UTP20: variants seen among roughly 807,000 people sequenced by gnomAD.
UTP20 encodes small subunit processome component 20 homolog.
A neutral mutation model predicts 329.5 loss-of-function variants in UTP20; 164 were observed. That is an observed-to-expected ratio of 0.50 (90% CI 0.44 to 0.57). The LOEUF (loss-of-function observed/expected upper bound fraction) is 0.57. UTP20 is among the 20% of genes least tolerant of loss of function. The pLI, the probability that UTP20 is intolerant of heterozygous loss-of-function variation, is 0.00. For missense variants in UTP20, 3,055 were observed against 3,284.2 expected (o/e 0.93, Z 1.71); for synonymous variants, 1,151 against 1,159.3 (o/e 0.99, Z 0.14).
chr12:101,374,132 G>A (rs1331453047), intron 54 of UTP20, among the ~76,000 whole-genome samples: 2 of 150,598 alleles, frequency 1.3e-5, no homozygotes, highest in Non-Finnish European at 3.0e-5. Flanking sequence ...CTACTTGGGA[G>A]GCTGAGGCAG....
chr12:101,383,569 C>T lies in UTP20; in HGVS notation c.7956C>T (p.Gly2652=), dbSNP rs1380361563. The change falls in exon 60 of 62, where the codon GGC becomes GGT. Residue 2652 remains glycine, a synonymous_variant. Coordinates refer to ENST00000261637, the MANE Select transcript of UTP20 (RefSeq NM_014503.3). ...GAACATGCATCTTTAAGTTCCTCGG[C>T]GCCGTAGCAATGGATCTTGGGATAG... is the stretch of plus-strand genomic sequence containing the variant. ...LKRTCIFKFL[G]AVAMDLGIDK... is the part of the protein sequence containing the mutation. 8 of 1,613,208 alleles carry T rather than the reference C, an allele frequency of 5.0e-6. No homozygotes were observed. The highest frequency in any genetic ancestry group is 1.7e-4 in the Middle Eastern group (1 of 6,060).
At chr12:101,290,115 C>T (rs775769633) in intron 6 of UTP20, 22 bp from the exon 7 acceptor site, 64 of 1,483,822 alleles carry the variant, frequency 4.3e-5, no homozygotes, top group Non-Finnish European at 5.7e-5. Flanking sequence ...ATATAATTTT[C>T]CATTTCTACT....
intron 44 of UTP20, among the ~76,000 whole-genome samples, chr12:101,363,004 A>G (rs1298334273): frequency 1.5e-5 from 2 of 131,488 alleles, no homozygotes; most frequent in Non-Finnish European, 2.9e-5. Context: ...GGGGTGGCAC[A>G]TGCCTGTGAT....
intron 40 of UTP20, among the ~76,000 whole-genome samples, chr12:101,353,394 C>A (rs911603635): frequency 1.3e-5 from 2 of 152,094 alleles, no homozygotes; most frequent in African/African-American, 2.4e-5. Flanking sequence ...AATTTTATCA[C>A]CTTCTTGTGT....
At chr12:101,320,973 T>G in intron 24 of UTP20, 36 bp downstream of exon 24, 1 of 1,549,770 alleles carries the variant, frequency 6.5e-7, no homozygotes, top group South Asian at 1.2e-5. Context: ...TGTTATTTCT[T>G]CAGCTGATTT....
intron 26 of UTP20, 74 bp downstream of exon 26, chr12:101,327,321 C>T: frequency 7.2e-7 from 1 of 1,386,380 alleles, no homozygotes; most frequent in Non-Finnish European, 9.5e-7. Context: ...CTACATTTCC[C>T]ATGCTCCTGG....
chr12:101,309,393 C>T (rs1006805444), intron 18 of UTP20, among the ~76,000 whole-genome samples: 1 of 152,154 alleles, frequency 6.6e-6, no homozygotes, highest in Admixed American at 6.5e-5. Flanking sequence ...TGTTTCCTTG[C>T]GTTCTTCGGC....
intron 56 of UTP20, among the ~76,000 whole-genome samples, chr12:101,377,567 T>G (rs552219339): frequency 2.0e-5 from 3 of 152,176 alleles, no homozygotes; most frequent in South Asian, 4.1e-4. Flanking sequence ...CTTGACCTCA[T>G]GATCCGCCTG....
rs761429859 is a variant in UTP20 at position 101,362,010 on chromosome 12, A to G, written c.5740A>G (p.Asn1914Asp). ...TCACATGCTGCTGCAAGGCCTCACC[A>G]ATAAGCTGCAGGTCGGAGATTTGGA... ...TVHMLLQGLT[N>D]KLQVGDLDSC... Residue 1914 changes from asparagine to aspartate, a missense_variant, in exon 44 of 62, where the codon AAT (asparagine) becomes GAT (aspartate). Physicochemically the swap from Asn to Asp is conservative, Grantham distance 23. This residue lies in a region of UTP20 where 2,445 missense variants were observed against 2,575.5 expected (regional missense o/e 0.95). Transcript: ENST00000261637. 6 of 1,613,778 alleles carry G rather than the reference A, an allele frequency of 3.7e-6. No individual in the cohort carries two copies. The South Asian group carries it at 6.6e-5, about 18-fold the overall frequency.
chr12:101,290,963 A>G (rs1872125216), intron 8 of UTP20, 75 bp downstream of exon 8: 1 of 1,451,846 alleles, frequency 6.9e-7, no homozygotes, highest in African/African-American at 1.4e-5. Flanking sequence ...CAGTTTTGCA[A>G]ATCACTCCTA....
At chr12:101,296,550 G>A (rs1303355784) in intron 12 of UTP20, among the ~76,000 whole-genome samples, 7 of 143,844 alleles carry the variant, frequency 4.9e-5, no homozygotes, top group Admixed American at 2.9e-4. Flanking sequence ...CAGCCTGCAC[G>A]ACAGAGCGAG....
intron 8 of UTP20, chr12:101,291,449 A>C (rs1378169984): frequency 5.5e-6 from 1 of 183,020 alleles, no homozygotes; most frequent in Non-Finnish European, 1.1e-5. Context: ...GTGAGGCAGG[A>C]GAATCGCTTG....
chr12:101,353,127 A>T lies in UTP20; in HGVS notation c.5105A>T (p.Glu1702Val). 1 of 1,592,910 alleles carries T rather than the reference A, an allele frequency of 6.3e-7. No individual in the cohort carries two copies. Among genetic ancestry groups the T allele is most frequent in the Non-Finnish European group, 8.6e-7 (1 of 1,164,604 alleles). ...CAAATGGGAAAAATTGAGAATGAAG[A>T]AAGTAAGTTTCTTAAACTTTCTTAA... ...EEQMGKIENE[E>V]NAIEAIELPE... Residue 1702 changes from glutamate (E) to valine (V), a missense_variant and splice_region_variant, in exon 40 of 62, where the codon GAA (glutamate) becomes GTA (valine). Glu to Val is a moderately radical substitution (Grantham distance 121, BLOSUM62 -2). Transcript: ENST00000261637.
chr12:101,316,444 G>T (rs1439588246), intron 21 of UTP20, among the ~76,000 whole-genome samples: 1 of 152,214 alleles, frequency 6.6e-6, no homozygotes, highest in Non-Finnish European at 1.5e-5. Flanking sequence ...GGTGCAGTTT[G>T]TAACTTATAG....
chr12:101,295,137 A>G (rs1352354267), intron 11 of UTP20, among the ~76,000 whole-genome samples: 4 of 151,996 alleles, frequency 2.6e-5, no homozygotes, highest in Non-Finnish European at 2.9e-5. Flanking sequence ...TTCTTCTTAT[A>G]GTTTAGTCTC....
At chr12:101,369,924 C>T (rs1181422263) in intron 49 of UTP20, 33 bp downstream of exon 49, 2 of 1,604,796 alleles carry the variant, frequency 1.2e-6, no homozygotes, top group Admixed American at 3.4e-5. Context: ...TGGAAAAAGC[C>T]AGGATGGAGC....
At chr12:101,326,108 C>G (rs780603222) in intron 25 of UTP20, among the ~76,000 whole-genome samples, 2 of 152,090 alleles carry the variant, frequency 1.3e-5, no homozygotes, top group Non-Finnish European at 2.9e-5. Flanking sequence ...CAGAGTTCAT[C>G]AAGTTTGTTG....
chr12:101,357,078 A>G lies in UTP20; in HGVS notation c.5687A>G (p.Tyr1896Cys). ...TTACAGACTACTCTTGTCCGTGGAT[A>G]CCAGGTAAATTGCATCTTGTGCTTT... ...KELQTTLVRG[Y>C]QVHVLTFTVH... is the part of the protein sequence containing the mutation. Residue 1896 changes from tyrosine to cysteine, a missense_variant, in exon 43 of 62, where the codon TAC becomes TGC. Physicochemically the swap from Tyr to Cys is radical, Grantham distance 194. Around this residue, in one of 3 missense-constraint regions of UTP20, gnomAD observed 2,445 missense variants for 2,575.5 expected, o/e 0.95. Transcript: ENST00000261637. The G allele has an allele frequency of 6.2e-7, 1 of 1,606,928 alleles. No homozygotes were observed. Among genetic ancestry groups the G allele is most frequent in the Non-Finnish European group, 8.5e-7 (1 of 1,177,238 alleles).
chr12:101,368,887 C>T (rs1565806674), intron 48 of UTP20, among the ~76,000 whole-genome samples: 2 of 150,874 alleles, frequency 1.3e-5, no homozygotes, highest in African/African-American at 5.0e-5. Flanking sequence ...CTCCCAAGCT[C>T]GCTCTTCTGT....
Sources: allele counts gnomAD v4.1 joint callset (sites outside exome capture counted in the v4.1 genomes callset), GRCh38; gene constraint gnomAD v4.1.1; regional missense constraint gnomAD v4.1.1; transcripts MANE v1.5; gene names NCBI Gene and HGNC (gene_info 2026-07-23, HGNC 2026-07-21).